MERTK: variants seen among roughly 807,000 people sequenced by gnomAD.
MERTK encodes tyrosine-protein kinase Mer.
In MERTK, 69 loss-of-function variants were observed where a neutral mutation model predicts 99.3. The observed-to-expected ratio is 0.70, with a 90% CI of 0.57 to 0.85. The LOEUF (loss-of-function observed/expected upper bound fraction) is 0.85. Ranked by LOEUF, MERTK falls within the 40% of genes least tolerant of loss-of-function variation. The pLI, the probability that MERTK is intolerant of heterozygous loss-of-function variation, is 0.00. For synonymous variants in MERTK, 426 were observed against 467.6 expected, an observed-to-expected ratio of 0.91 and a Z score of 1.15; for missense variants, 1,125 against 1,249.4, an observed-to-expected ratio of 0.90 and a Z score of 1.50.
chr2:111,994,569 C>T lies in MERTK; in HGVS notation c.1450+165C>T. On this transcript the variant is annotated intron_variant, in intron 9 of 18. Transcript: ENST00000295408. ...AAAAGCAGGAGGAGTTTGAGAACAA[C>T]CTGGGCAATGGGCAACATAGTGAGA... The T allele has an allele frequency of 3.3e-6, 3 of 899,576 alleles. No homozygotes were observed. In the Admixed American group the frequency reaches 5.1e-5, roughly 15 times the overall value. 55.7% of individuals were successfully genotyped at this position (899,576 alleles called of 1,614,324 possible).
At chr2:111,905,947 A>G (rs1026482204) in intron 1 of MERTK, among the ~76,000 whole-genome samples, 39 of 152,246 alleles carry the variant, frequency 2.6e-4, no homozygotes, top group Admixed American at 2.6e-3. Context: ...TATGTTTGGA[A>G]TAAAATTACA....
rs1348406525 is a variant in MERTK, at chr2:111,909,270, T to A, written c.61+10474T>A. Among the ~76,000 whole-genome samples, 3 of 152,276 alleles carry A rather than the reference T, an allele frequency of 2.0e-5. No homozygotes were observed. The East Asian group carries it at 5.8e-4, about 29-fold the overall frequency. ...CAGCACTGAGTGGTTAAGTTAAATA[T>A]TAAAAGCTAATAGAGCCGGTGCCCT... On this transcript the variant is annotated intron_variant, in intron 1 of 18. Coordinates refer to ENST00000295408, the MANE Select transcript of MERTK (RefSeq NM_006343.3).
At position 112,010,084 on chromosome 2, in the gene MERTK, T is replaced by C. The variant is rs1677066057; in HGVS notation, c.2079+18T>C. On this transcript the variant is annotated intron_variant, in intron 15 of 18. Coordinates refer to ENST00000295408, the MANE Select transcript of MERTK (RefSeq NM_006343.3). ...GACCAAAGGTAATGATCTCCTTGTG[T>C]TACCCCTGAACACTTCTCAGGGCTT... is the stretch of plus-strand genomic sequence containing the variant. 1 of 1,546,530 alleles carries C rather than the reference T, an allele frequency of 6.5e-7. No individual in the cohort carries two copies. The highest frequency in any genetic ancestry group is 8.9e-7 in the Non-Finnish European group (1 of 1,118,776).
At chr2:111,998,779 A>C (rs62162478) in intron 10 of MERTK, among the ~76,000 whole-genome samples, 32,220 of 152,048 alleles carry the variant, frequency 0.21, 4,170 homozygotes, top group East Asian at 0.71. Flanking sequence ...ACAAGATTAC[A>C]ATACTATTTC....
At chr2:112,006,835 T>C (rs540309842) in intron 13 of MERTK, among the ~76,000 whole-genome samples, 1 of 152,282 alleles carries the variant, frequency 6.6e-6, no homozygotes. Context: ...TTTGCAGATG[T>C]ATAGATTTTC....
At chr2:111,953,785 G>A (rs959056211) in intron 4 of MERTK, among the ~76,000 whole-genome samples, 2 of 152,174 alleles carry the variant, frequency 1.3e-5, no homozygotes, top group Non-Finnish European at 2.9e-5. Context: ...ATGTTGGCCA[G>A]GCTAGTCTTG....
intron 2 of MERTK, among the ~76,000 whole-genome samples, chr2:111,942,214 A>G: frequency 6.6e-6 from 1 of 152,190 alleles, no homozygotes; most frequent in East Asian, 1.9e-4. Context: ...GTCCGATCTC[A>G]TGGTTCACTC....
At chr2:111,914,624 A>G (rs1322424840) in intron 1 of MERTK, among the ~76,000 whole-genome samples, 1 of 152,096 alleles carries the variant, frequency 6.6e-6, no homozygotes, top group Non-Finnish European at 1.5e-5. Flanking sequence ...ATGAGCGAAT[A>G]TTGAATTTTG....
intron 5 of MERTK, among the ~76,000 whole-genome samples, chr2:111,967,814 G>A (rs184664536): frequency 6.6e-6 from 1 of 152,282 alleles, no homozygotes; most frequent in Admixed American, 6.5e-5. Context: ...GGTGCACACA[G>A]TAGGGTCCAT....
At chr2:111,925,292 A>ATATATATATATATATTTT (rs372747015) in intron 1 of MERTK, among the ~76,000 whole-genome samples, 2 of 24,498 alleles carry the variant, frequency 8.2e-5, no homozygotes, top group Non-Finnish European at 1.5e-4. Flanking sequence ...ATATATATAT[A>ATATATATATATATATTTT]TTTTTTTTTT....
intron 4 of MERTK, among the ~76,000 whole-genome samples, chr2:111,951,604 C>T (rs901540972): frequency 2.1e-5 from 3 of 142,892 alleles, no homozygotes; most frequent in Non-Finnish European, 4.5e-5. Flanking sequence ...GTTTCCGTGT[C>T]TAAGCTATTA....
At chr2:111,921,270 C>T (rs949614544) in intron 1 of MERTK, among the ~76,000 whole-genome samples, 4 of 152,010 alleles carry the variant, frequency 2.6e-5, no homozygotes, top group South Asian at 2.1e-4. Flanking sequence ...GAGGTGAAGG[C>T]GGGCAGATCA....
intron 7 of MERTK, among the ~76,000 whole-genome samples, 191 bp downstream of exon 7, chr2:111,975,663 A>T (rs1194332028): frequency 6.6e-6 from 1 of 152,172 alleles, no homozygotes; most frequent in Non-Finnish European, 1.5e-5. Flanking sequence ...CAGTGACAAA[A>T]CTTAGCCGTG....
rs2104693334 is a variant in MERTK, at chr2:111,935,726, A to G, written c.482+6186A>G. 1.3e-5 allele frequency among the ~76,000 whole-genome samples: 2 copies of G among 151,688 alleles called. 1 individual carries two copies. Among genetic ancestry groups the G allele is most frequent in the South Asian group, 4.2e-4 (2 of 4,808 alleles). ...TAGTAATGTATGTATTTTGTCAAAAACTTGGAAAATACCAAACATACAAAG... is the reference window on the plus strand; with the variant it reads ...TAGTAATGTATGTATTTTGTCAAAAGCTTGGAAAATACCAAACATACAAAG... On this transcript the variant is annotated intron_variant, in intron 2 of 18. Transcript: ENST00000295408.
At chr2:111,943,371 A>C (rs1684898837) in intron 2 of MERTK, among the ~76,000 whole-genome samples, 2 of 152,048 alleles carry the variant, frequency 1.3e-5, no homozygotes, top group Non-Finnish European at 2.9e-5. Flanking sequence ...GAGCATCTGA[A>C]AGTATTTAAA....
chr2:112,028,822 GT>G lies in MERTK; in HGVS notation c.2961del (p.Phe987LeufsTer12). ...GAAGCTCATTGCCCGATGAACTTTT[GT>G]TTGCTGACGACTCCTCAGAAGGCTC... ...LGSSLPDELL[F>X]ADDSSEGSEV... On this transcript the variant is annotated frameshift_variant, in exon 19 of 19. Transcript: ENST00000295408. LOFTEE classifies it high-confidence loss of function. 1 of 1,614,032 alleles carries G rather than the reference GT, an allele frequency of 6.2e-7. No homozygotes were observed.
At chr2:112,004,963 T>G (rs1211447950) in intron 13 of MERTK, among the ~76,000 whole-genome samples, 1 of 152,122 alleles carries the variant, frequency 6.6e-6, no homozygotes, top group Non-Finnish European at 1.5e-5. Context: ...GAAAGTTCAC[T>G]TTGATGTCAG....
intron 6 of MERTK, among the ~76,000 whole-genome samples, 162 bp from the exon 7 acceptor site, chr2:111,975,127 C>T (rs1676218431): frequency 6.6e-6 from 1 of 152,150 alleles, no homozygotes; most frequent in Admixed American, 6.5e-5. Flanking sequence ...ATGAGTAACA[C>T]ACAGTGATGC....
At chr2:111,909,527 T>A (rs1684201739) in intron 1 of MERTK, among the ~76,000 whole-genome samples, 1 of 152,068 alleles carries the variant, frequency 6.6e-6, no homozygotes, top group African/African-American at 2.4e-5. Flanking sequence ...ATAATAAGGA[T>A]AATCACCCCA....
Sources: gnomAD v4.1 joint callset for allele counts (sites outside exome capture counted in the v4.1 genomes callset) on GRCh38, gnomAD v4.1.1 for gene constraint, MANE v1.5 for transcripts, NCBI Gene and HGNC (gene_info 2026-07-23, HGNC 2026-07-21) for gene names.